Variants in ATL2 observed in about 807,000 individuals in gnomAD.
ATL2 encodes the protein atlastin GTPase 2.
A neutral mutation model predicts 73.9 loss-of-function variants in ATL2; 31 were observed. That is an observed-to-expected ratio of 0.42 (90% CI 0.32 to 0.57). The LOEUF is 0.57. Among genes scored for constraint, ATL2 ranks in the 20% least tolerant of loss-of-function variants. ATL2 has a pLI of 0.14. For missense variants in ATL2, 738 were observed against 702.6 expected (o/e 1.05, Z -0.57); for synonymous variants, 291 against 237.5 (o/e 1.23, Z -2.07).
intron 1 of ATL2, among the ~76,000 whole-genome samples, chr2:38,354,561 T>G (rs941783849): frequency 6.6e-6 from 1 of 151,352 alleles, no homozygotes; most frequent in Non-Finnish European, 1.5e-5. Flanking sequence ...GTAACGGCTT[T>G]AAAACAAACA....
intron 2 of ATL2, among the ~76,000 whole-genome samples, chr2:38,326,654 G>A (rs531987511): frequency 2.3e-4 from 35 of 152,252 alleles, no homozygotes; most frequent in Non-Finnish European, 4.7e-4. Flanking sequence ...TTTACCTACA[G>A]AGGAACAAAG....
chr2:38,364,697 G>C (rs936268949), intron 1 of ATL2, among the ~76,000 whole-genome samples: 11 of 152,194 alleles, frequency 7.2e-5, no homozygotes, highest in African/African-American at 2.4e-4. Flanking sequence ...CGAAAACACA[G>C]AAGGTTTCCT....
intron 1 of ATL2, among the ~76,000 whole-genome samples, chr2:38,351,301 T>C (rs1670322577): frequency 6.6e-6 from 1 of 152,156 alleles, no homozygotes; most frequent in Non-Finnish European, 1.5e-5. Context: ...AAAGAGGTTA[T>C]ACGATGGTTA....
chr2:38,377,409 C>T (rs1244162600), upstream of ATL2: 4 of 628,112 alleles, frequency 6.4e-6, no homozygotes, highest in East Asian at 1.3e-4. Flanking sequence ...CCTCGCCCTC[C>T]GCCTGTATCT....
chr2:38,319,242 G>T (rs1668189629), intron 2 of ATL2, among the ~76,000 whole-genome samples: 1 of 152,088 alleles, frequency 6.6e-6, no homozygotes, highest in Non-Finnish European at 1.5e-5. Context: ...TCTCAAATCA[G>T]CTCACACTAC....
intron 1 of ATL2, chr2:38,375,985 T>C (rs1671937215): frequency 8.7e-7 from 1 of 1,152,276 alleles, no homozygotes; most frequent in South Asian, 3.0e-5. Context: ...AGTGAGTCCT[T>C]GTGGTTAACA....
At chr2:38,300,626 A>T (rs1573424094) in intron 9 of ATL2, among the ~76,000 whole-genome samples, 2 of 152,130 alleles carry the variant, frequency 1.3e-5, no homozygotes, top group African/African-American at 4.8e-5. Flanking sequence ...CCCTATTGCC[A>T]GTGTTTTAAT....
intron 2 of ATL2, among the ~76,000 whole-genome samples, chr2:38,334,518 G>C (rs1669189844): frequency 6.6e-6 from 1 of 151,736 alleles, no homozygotes; most frequent in African/African-American, 2.4e-5. Context: ...CCTCAACATG[G>C]AGAAACCCCA....
Position 38,373,136 on chromosome 2 carries a change from C to T in ATL2, c.118+4007G>A, listed in dbSNP as rs368603067. Among the ~76,000 whole-genome samples, 11 of 152,268 alleles carry T rather than the reference C, an allele frequency of 7.2e-5. No homozygotes were observed. In the South Asian group the frequency reaches 2.3e-3, roughly 32 times the overall value. On this transcript the variant is annotated intron_variant, in intron 1 of 12. Transcript: ENST00000378954. ...TTATCACTACCTTATATGAGGGCTCCAGGCTCTGAGAGCTTAAGTGAAATC... is the reference window on the plus strand; with the variant it reads ...TTATCACTACCTTATATGAGGGCTCTAGGCTCTGAGAGCTTAAGTGAAATC...
chr2:38,309,822 G>T (rs1667648894), intron 8 of ATL2, among the ~76,000 whole-genome samples: 2 of 151,910 alleles, frequency 1.3e-5, no homozygotes, highest in Non-Finnish European at 2.9e-5. Flanking sequence ...CTTTTCAAGA[G>T]GCAAACAATT....
chr2:38,364,210 C>A (rs764239331), intron 1 of ATL2, among the ~76,000 whole-genome samples: 11 of 151,768 alleles, frequency 7.2e-5, no homozygotes, highest in Admixed American at 1.3e-4. Flanking sequence ...TGCAGTGAGC[C>A]GAGATTGTAC....
At chr2:38,373,931 G>C (rs1157662818) in intron 1 of ATL2, among the ~76,000 whole-genome samples, 28 of 152,086 alleles carry the variant, frequency 1.8e-4, no homozygotes, top group Admixed American at 1.8e-3. Context: ...CGCTCTTGTT[G>C]CCCAGGCTGG....
chr2:38,369,036 T>G (rs1214938956), intron 1 of ATL2, among the ~76,000 whole-genome samples: 1 of 152,236 alleles, frequency 6.6e-6, no homozygotes, highest in East Asian at 1.9e-4. Flanking sequence ...TACCTATATG[T>G]TGGCATTTAT....
intron 1 of ATL2, chr2:38,354,183 T>TAAAAAAA: frequency 2.5e-6 from 1 of 402,054 alleles, no homozygotes; most frequent in South Asian, 1.6e-5. Context: ...AGACTCTGTC[T>TAAAAAAA]CAAAAAAAAG....
chr2:38,377,329 A>C, upstream of ATL2: 1 of 1,406,938 alleles, frequency 7.1e-7, no homozygotes, highest in South Asian at 1.4e-5. Flanking sequence ...ACCTCCCGGG[A>C]GCCGGCGGGG....
At chr2:38,346,800 C>A (rs1260457569) in intron 1 of ATL2, among the ~76,000 whole-genome samples, 1 of 152,154 alleles carries the variant, frequency 6.6e-6, no homozygotes, top group African/African-American at 2.4e-5. Flanking sequence ...AGTACCAGTC[C>A]ACGGCCCTAG....
intron 3 of ATL2, 48 bp from the exon 4 acceptor site, chr2:38,318,687 T>C (rs1000189251): frequency 6.8e-7 from 1 of 1,464,766 alleles, no homozygotes; most frequent in African/African-American, 1.4e-5. Context: ...TTGCCAAAAA[T>C]GACTATAAAA....
intron 12 of ATL2, chr2:38,296,557 G>A (rs376616532): frequency 6.7e-5 from 108 of 1,613,930 alleles, no homozygotes; most frequent in South Asian, 2.0e-4. Flanking sequence ...TGAACCATTC[G>A]ACGTCTAGTA....
rs922249262 is a variant in ATL2, at chr2:38,377,085, G to A, written c.118+58C>T. 1.2e-5 allele frequency: 19 copies of A among 1,535,574 alleles called. No homozygotes were observed. The East Asian group carries it at 2.0e-4, about 16-fold the overall frequency. ...GCCTGCGGCCGGTGCCCGCGAGCCC[G>A]AGCAGCGAGCGTCTCTCCCCATCAG... is the stretch of plus-strand genomic sequence containing the variant. On this transcript the variant is annotated intron_variant, in intron 1 of 12. Transcript: ENST00000378954.
Sources: allele counts gnomAD v4.1 joint callset (sites outside exome capture counted in the v4.1 genomes callset), GRCh38; gene constraint gnomAD v4.1.1; transcripts MANE v1.5; gene names NCBI Gene and HGNC (gene_info 2026-07-23, HGNC 2026-07-21).